The following SYNJ1 variants were observed in gnomAD, a reference collection of about 807,000 sequenced individuals.
SYNJ1 encodes the protein polyphosphatidylinositol phosphatase SYNJ1.
SYNJ1 carries 78 observed loss-of-function variants against 168.2 expected under a neutral mutation model. The ratio of observed to expected loss-of-function variants is 0.46; its 90% CI spans 0.39 to 0.56. The LOEUF is 0.56. SYNJ1 is among the 20% of genes least tolerant of loss of function. The probability of loss-of-function intolerance (pLI) is 0.00; values close to 1 mark genes in which losing one functional copy is unlikely to be tolerated. For synonymous variants in SYNJ1, 539 were observed against 548.6 expected (o/e 0.98, Z 0.24); for missense variants, 1,303 against 1,597.6 (o/e 0.82, Z 3.14).
At position 32,726,222 on chromosome 21, in the gene SYNJ1, TC is replaced by T. The variant is rs564938313; in HGVS notation, c.124+549del. Among the ~76,000 whole-genome samples the T allele has an allele frequency of 2.6e-4, 40 of 152,320 alleles. 1 individual carries two copies. The South Asian group carries it at 6.2e-3, about 24-fold the overall frequency. On this transcript the variant is annotated intron_variant, in intron 2 of 32. Coordinates refer to ENST00000674351, the MANE Select transcript of SYNJ1 (RefSeq NM_203446.3). The stretch of plus-strand genomic sequence containing the variant: ...CCTAAAATAACTCAAACATTACTAA[TC>T]TATTTTTCTTGTGGTACAATAGTCC...
At position 32,656,743 on chromosome 21, in the gene SYNJ1, G is replaced by A. The variant is rs267606107; in HGVS notation, c.2739C>T (p.Ala913=). Residue 913 remains alanine, a synonymous_variant, in exon 21 of 33, where the codon GCC becomes GCT. Transcript: ENST00000674351. The part of the protein sequence containing the change: ...SLPENNFFDD[A]LIDELLQQFA... Reference sequence around the variant, plus strand: ...ACTGCTGCAGAAGCTCATCAATCAAGGCATCATCAAAAAAATTATTTTCTG... The same window carrying A: ...ACTGCTGCAGAAGCTCATCAATCAAAGCATCATCAAAAAAATTATTTTCTG... 42 of 1,613,862 alleles carry A rather than the reference G, an allele frequency of 2.6e-5. No individual in the cohort carries two copies. In the African/African-American group the frequency reaches 5.1e-4, roughly 19 times the overall value.
At chr21:32,720,056 A>G (rs986439294) in intron 2 of SYNJ1, among the ~76,000 whole-genome samples, 2 of 152,118 alleles carry the variant, frequency 1.3e-5, no homozygotes, top group African/African-American at 4.8e-5. Flanking sequence ...CCTGACCAAC[A>G]TGGAGAAACC....
rs111866326 is a variant in SYNJ1 at position 32,693,249 on chromosome 21, G to A, written c.789+979C>T. ...CCCACTGTTGATCATGAAAGCGTAG[G>A]AGAAGTGGGGTTCTGTTGGCATTCT... On this transcript the variant is annotated intron_variant, in intron 6 of 32. Transcript: ENST00000674351. Among the ~76,000 whole-genome samples the A allele has an allele frequency of 7.2e-5, 11 of 152,228 alleles. 1 individual carries two copies. The highest frequency in any genetic ancestry group is 2.6e-4 in the African/African-American group (11 of 41,520).
chr21:32,709,115 T>C (rs1322871358), intron 2 of SYNJ1, among the ~76,000 whole-genome samples: 1 of 152,214 alleles, frequency 6.6e-6, no homozygotes, highest in Non-Finnish European at 1.5e-5. Context: ...CAATCTTACT[T>C]ATGTATTAGA....
At chr21:32,726,125 C>T (rs1939066100) in intron 2 of SYNJ1, among the ~76,000 whole-genome samples, 1 of 152,222 alleles carries the variant, frequency 6.6e-6, no homozygotes. Context: ...CAGGCGTGAG[C>T]CCCCACACCT....
intron 2 of SYNJ1, among the ~76,000 whole-genome samples, chr21:32,713,945 GC>G (rs2042931206): frequency 6.6e-6 from 1 of 152,182 alleles, no homozygotes; most frequent in African/African-American, 2.4e-5. Context: ...CTGGGAAGGA[GC>G]ATGAGGGGAT....
intron 2 of SYNJ1, among the ~76,000 whole-genome samples, chr21:32,708,706 A>AT (rs1470033542): frequency 2.0e-5 from 3 of 151,156 alleles, no homozygotes; most frequent in Non-Finnish European, 4.4e-5. Flanking sequence ...GGAAAAGACT[A>AT]TTTTTCCCAT....
intron 2 of SYNJ1, 101 bp from the exon 3 acceptor site, chr21:32,702,148 A>T (rs966274159): frequency 2.6e-6 from 2 of 766,616 alleles, no homozygotes; most frequent in East Asian, 5.1e-5. Context: ...TCTAAATCTG[A>T]TATTCTTAAA....
chr21:32,705,801 C>T (rs1412978568), intron 2 of SYNJ1, among the ~76,000 whole-genome samples: 1 of 152,078 alleles, frequency 6.6e-6, no homozygotes, highest in Non-Finnish European at 1.5e-5. Flanking sequence ...GCCTGGGCAA[C>T]GTGGCGAGAC....
rs763757097 is a variant in SYNJ1 at position 32,656,829 on chromosome 21, C to G, written c.2653G>C (p.Val885Leu). 6.2e-7 allele frequency: 1 copy of G among 1,614,036 alleles called. No homozygotes were observed. The highest frequency in any genetic ancestry group is 1.3e-5 in the African/African-American group (1 of 74,916). Residue 885 changes from valine (V) to leucine (L), a missense_variant, in exon 21 of 33, where the codon GTA (valine) becomes CTA (leucine). Transcript: ENST00000674351. Reference protein sequence around the residue: ...AEERQNIYKEVIAVQGPPDGT... With the variant: ...AEERQNIYKELIAVQGPPDGT... ...TCTGGTGGACCCTGAACTGCAATTA[C>G]TTCTTTATAAATGTTTTGCCTCTCT...
chr21:32,680,000 G>A (rs1364672975), intron 11 of SYNJ1, among the ~76,000 whole-genome samples: 1 of 151,984 alleles, frequency 6.6e-6, no homozygotes, highest in African/African-American at 2.4e-5. Context: ...ATATATTGTA[G>A]TCACTGCAGA....
Position 32,629,263 on chromosome 21 carries a change from CCA to C in SYNJ1, c.*2540_*2541del, listed in dbSNP as rs761775759. 2.0e-5 allele frequency: 3 copies of C among 152,628 alleles called. No individual in the cohort carries two copies. Among genetic ancestry groups the C allele is most frequent in the Non-Finnish European group, 2.9e-5 (2 of 68,036 alleles). The allele number at this position is 152,628 out of a possible 1,614,324, so 9.5% of individuals were successfully genotyped here. On this transcript the variant is annotated 3_prime_UTR_variant, in exon 33 of 33. Transcript: ENST00000674351. ...TACACTAGTCACATGGATGTTAAAGCCACAGTTTCAACAAGTTAATTCACATT... is the reference window on the plus strand; with the variant it reads ...TACACTAGTCACATGGATGTTAAAGCCAGTTTCAACAAGTTAATTCACATT...
chr21:32,637,123 A>G (rs1180716698), intron 31 of SYNJ1, among the ~76,000 whole-genome samples: 1 of 152,176 alleles, frequency 6.6e-6, no homozygotes, highest in African/African-American at 2.4e-5. Context: ...TACTTTATCT[A>G]CTTTTGTATT....
upstream of SYNJ1, chr21:32,728,160 C>T (rs910174089): frequency 5.4e-5 from 66 of 1,231,626 alleles, no homozygotes; most frequent in Non-Finnish European, 7.0e-5. Context: ...GCGGCCCCAG[C>T]CTCAGTCTCC....
At chr21:32,684,180 A>C in intron 9 of SYNJ1, 61 bp from the exon 10 acceptor site, 3 of 1,491,270 alleles carry the variant, frequency 2.0e-6, no homozygotes, top group Non-Finnish European at 2.8e-6. Flanking sequence ...ACAAACAGTG[A>C]ATAATTGAGG....
intron 18 of SYNJ1, among the ~76,000 whole-genome samples, chr21:32,658,190 T>A (rs1363614404): frequency 6.6e-6 from 1 of 152,152 alleles, no homozygotes; most frequent in East Asian, 1.9e-4. Flanking sequence ...GTTTTCTCGC[T>A]CGAATGTTGC....
chr21:32,643,518 C>T, intron 26 of SYNJ1, 61 bp from the exon 27 acceptor site: 1 of 1,528,964 alleles, frequency 6.5e-7, no homozygotes, highest in Non-Finnish European at 9.0e-7. Context: ...GAATGAAAGG[C>T]AGGCACACAA....
intron 2 of SYNJ1, among the ~76,000 whole-genome samples, chr21:32,722,091 G>A (rs670347): frequency 0.55 from 83,457 of 151,282 alleles, 23,650 homozygotes; most frequent in African/African-American, 0.68. Flanking sequence ...AGGCTGATGC[G>A]GGAAAATCAC....
At chr21:32,674,181 G>A (rs2041313148) in intron 13 of SYNJ1, among the ~76,000 whole-genome samples, 1 of 152,112 alleles carries the variant, frequency 6.6e-6, no homozygotes, top group Non-Finnish European at 1.5e-5. Context: ...CACTCTCCCT[G>A]GTGCACTCAC....
Sources: allele counts gnomAD v4.1 joint callset (sites outside exome capture counted in the v4.1 genomes callset), GRCh38; gene constraint gnomAD v4.1.1; transcripts MANE v1.5; gene names NCBI Gene and HGNC (gene_info 2026-07-23, HGNC 2026-07-21).